The following EIF4G3 variants were observed in gnomAD, a reference collection of about 807,000 sequenced individuals.
EIF4G3 encodes eIF-4-gamma 3.
In EIF4G3, 34 loss-of-function variants were observed where a neutral mutation model predicts 186.4. That is an observed-to-expected ratio of 0.18 (90% CI 0.14 to 0.24). The LOEUF is 0.24. Ranked by LOEUF, EIF4G3 falls within the 10% of genes least tolerant of loss-of-function variation. EIF4G3 has a pLI of 1.00. For missense variants in EIF4G3, 1,536 were observed against 1,948.5 expected (o/e 0.79, Z 3.99); for synonymous variants, 673 against 679.5 (o/e 0.99, Z 0.15).
chr1:21,139,753 T>C (rs926698235), intron 2 of EIF4G3, among the ~76,000 whole-genome samples: 1 of 152,176 alleles, frequency 6.6e-6, no homozygotes, highest in Non-Finnish European at 1.5e-5. Context: ...GCAGTGGCTA[T>C]TTACAGCCAC....
At chr1:20,897,939 A>T (rs1423882071) in intron 16 of EIF4G3, among the ~76,000 whole-genome samples, 2 of 151,952 alleles carry the variant, frequency 1.3e-5, no homozygotes, top group East Asian at 3.8e-4. Flanking sequence ...ACATAAAATA[A>T]ATTAATATAA....
chr1:21,158,502 G>A (rs1232072506), intron 2 of EIF4G3, among the ~76,000 whole-genome samples: 1 of 152,004 alleles, frequency 6.6e-6, no homozygotes, highest in African/African-American at 2.4e-5. Context: ...AAGAAAAGGG[G>A]TTATTTTTAA....
At chr1:21,034,307 G>A (rs2154572148) in intron 4 of EIF4G3, among the ~76,000 whole-genome samples, 1 of 152,180 alleles carries the variant, frequency 6.6e-6, no homozygotes, top group Non-Finnish European at 1.5e-5. Flanking sequence ...TGTAACTTTT[G>A]GAAATTTTTT....
Position 20,942,089 on chromosome 1 carries a change from G to C in EIF4G3, c.1065C>G (p.Asp355Glu). The C allele has an allele frequency of 6.2e-7, 1 of 1,614,198 alleles. No homozygotes were observed. Among genetic ancestry groups the C allele is most frequent in the Non-Finnish European group, 8.5e-7 (1 of 1,180,016 alleles). Residue 355 changes from aspartate (D) to glutamate (E), a missense_variant, in exon 14 of 37, where the codon GAC (aspartate) becomes GAG (glutamate). Physicochemically the swap from Asp to Glu is conservative, Grantham distance 45. Transcript: ENST00000602326. ...CTCTTGGGGATGAGAGTTCACATCT[G>C]TCATCTATAGCAGTGGTGAATATTG... ...SQPIFTTAID[D>E]RCELSSPRED...
At chr1:21,099,458 C>A (rs2096466278) in intron 2 of EIF4G3, among the ~76,000 whole-genome samples, 1 of 152,154 alleles carries the variant, frequency 6.6e-6, no homozygotes, top group Admixed American at 6.5e-5. Context: ...TTAATAAACA[C>A]AAAGACATGA....
intron 3 of EIF4G3, chr1:21,073,651 C>T (rs182893602): frequency 3.8e-6 from 2 of 520,446 alleles, no homozygotes; most frequent in East Asian, 5.3e-5. Flanking sequence ...GATTTCGGTG[C>T]TTTCCCAACC....
intron 7 of EIF4G3, among the ~76,000 whole-genome samples, chr1:20,986,560 A>G (rs1441445242): frequency 6.6e-6 from 1 of 151,966 alleles, no homozygotes; most frequent in Non-Finnish European, 1.5e-5. Flanking sequence ...CCTGGCTAAC[A>G]AGGTGAAACC....
At chr1:21,041,872 G>A (rs1031482398) in intron 4 of EIF4G3, among the ~76,000 whole-genome samples, 2 of 151,976 alleles carry the variant, frequency 1.3e-5, no homozygotes, top group African/African-American at 4.8e-5. Flanking sequence ...TTAGCCCTTC[G>A]TGTTACATTA....
intron 2 of EIF4G3, among the ~76,000 whole-genome samples, chr1:21,103,854 A>C (rs931209011): frequency 2.0e-5 from 3 of 152,114 alleles, no homozygotes; most frequent in Non-Finnish European, 4.4e-5. Flanking sequence ...AGAACAAAAA[A>C]AAACATCTCT....
chr1:21,001,854 A>G (rs944709453), intron 5 of EIF4G3, among the ~76,000 whole-genome samples: 1 of 152,256 alleles, frequency 6.6e-6, no homozygotes, highest in African/African-American at 2.4e-5. Flanking sequence ...CATAAAATGA[A>G]ATGAATAGGA....
intron 14 of EIF4G3, among the ~76,000 whole-genome samples, chr1:20,922,556 C>T (rs952304517): frequency 2.0e-5 from 3 of 152,206 alleles, no homozygotes; most frequent in Admixed American, 2.0e-4. Flanking sequence ...CTGGGCCTCC[C>T]AAAGTACTGG....
chr1:21,026,840 G>C (rs931521742), intron 4 of EIF4G3, among the ~76,000 whole-genome samples: 1 of 151,504 alleles, frequency 6.6e-6, no homozygotes, highest in Non-Finnish European at 1.5e-5. Context: ...AGGTGGCTGA[G>C]GCACGATAAT....
chr1:21,088,778 T>C (rs963807566), intron 3 of EIF4G3, among the ~76,000 whole-genome samples: 1 of 151,922 alleles, frequency 6.6e-6, no homozygotes, highest in Admixed American at 6.6e-5. Context: ...GGAGGGAGAA[T>C]TGCTTGAACC....
chr1:21,053,820 C>G (rs1229341595), intron 3 of EIF4G3, among the ~76,000 whole-genome samples: 1 of 148,552 alleles, frequency 6.7e-6, no homozygotes, highest in Admixed American at 6.6e-5. Context: ...CTCTGCCCGG[C>G]CAGCCGCCCC....
chr1:20,891,431 C>T (rs1234902441), intron 18 of EIF4G3, among the ~76,000 whole-genome samples: 1 of 151,322 alleles, frequency 6.6e-6, no homozygotes, highest in African/African-American at 2.4e-5. Flanking sequence ...TGAACAGTAA[C>T]ACAAATAAAA....
chr1:21,076,345 A>C (rs2095586765), intron 3 of EIF4G3, among the ~76,000 whole-genome samples: 1 of 152,188 alleles, frequency 6.6e-6, no homozygotes, highest in Non-Finnish European at 1.5e-5. Context: ...ACACAGCAAA[A>C]GCAGTAGTAA....
chr1:21,155,368 A>C (rs1356849688), intron 2 of EIF4G3, among the ~76,000 whole-genome samples: 1 of 152,118 alleles, frequency 6.6e-6, no homozygotes, highest in Non-Finnish European at 1.5e-5. Flanking sequence ...TCTGCTTAAA[A>C]TTTATCAACT....
Position 20,884,582 on chromosome 1 carries a change from C to CT in EIF4G3, c.2424+1618dup, listed in dbSNP as rs201886613. On this transcript the variant is annotated intron_variant, in intron 19 of 36. Transcript: ENST00000602326. Reference sequence around the variant, plus strand: ...AGATTGGAGAGAAGGACAAAAAAGACTTTTTTTTCTTTTTTCCAAAAAAGG... The same window carrying CT: ...AGATTGGAGAGAAGGACAAAAAAGACTTTTTTTTTCTTTTTTCCAAAAAAGG... Among the ~76,000 whole-genome samples the CT allele has an allele frequency of 7.0e-3, 1,070 of 151,984 alleles. 16 individuals are homozygous for CT. Among genetic ancestry groups the CT allele is most frequent in the African/African-American group, 0.024 (987 of 41,474 alleles).
chr1:20,942,564 T>C (rs1201013804), intron 13 of EIF4G3, among the ~76,000 whole-genome samples: 2 of 152,148 alleles, frequency 1.3e-5, no homozygotes, highest in African/African-American at 4.8e-5. Context: ...AAGGAATCTA[T>C]TCACCAAAAA....
Sources: allele counts gnomAD v4.1 joint callset (sites outside exome capture counted in the v4.1 genomes callset), GRCh38; gene constraint gnomAD v4.1.1; transcripts MANE v1.5; gene names NCBI Gene and HGNC (gene_info 2026-07-23, HGNC 2026-07-21).